Variants in NT5DC1 observed in about 807,000 individuals in gnomAD.
NT5DC1 encodes 5'-nucleotidase domain-containing protein 1.
In NT5DC1, 42 loss-of-function variants were observed where a neutral mutation model predicts 59.4. The observed-to-expected ratio is 0.71, with a 90% CI of 0.55 to 0.92. The LOEUF (loss-of-function observed/expected upper bound fraction) is 0.92. NT5DC1 is among the 40% of genes least tolerant of loss of function. The probability of loss-of-function intolerance (pLI) is 0.00; values close to 1 mark genes in which losing one functional copy is unlikely to be tolerated. For missense variants in NT5DC1, 501 were observed against 537.1 expected (o/e 0.93, Z 0.66); for synonymous variants, 172 against 188.1 (o/e 0.91, Z 0.70).
intron 3 of NT5DC1, among the ~76,000 whole-genome samples, chr6:116,110,294 C>T (rs1316809385): frequency 6.6e-6 from 1 of 152,134 alleles, no homozygotes; most frequent in East Asian, 1.9e-4. Context: ...TCTGTTTTTC[C>T]ACATTTCTCT....
In NT5DC1 at chr6:116,155,541, C is replaced by T. The variant is rs149581697; in HGVS notation, c.529+37596C>T. On this transcript the variant is annotated intron_variant, in intron 6 of 11. Transcript: ENST00000319550. ...GTTTGACTAAAGCAAACAATCTAAA[C>T]AATTTAAAATGACTTTGAATCCATC... is the stretch of plus-strand genomic sequence containing the variant. Among the ~76,000 whole-genome samples, 229 of 152,094 alleles carry T rather than the reference C, an allele frequency of 1.5e-3. 1 individual carries two copies. Among genetic ancestry groups the T allele is most frequent in the Middle Eastern group, 0.014 (4 of 294 alleles).
chr6:116,124,506 A>G (rs2114304512), intron 6 of NT5DC1, among the ~76,000 whole-genome samples: 1 of 152,348 alleles, frequency 6.6e-6, no homozygotes, highest in South Asian at 2.1e-4. Flanking sequence ...CAGATTCAAG[A>G]AGAAAGTTAA....
At chr6:116,148,957 C>A (rs1419875163) in intron 6 of NT5DC1, among the ~76,000 whole-genome samples, 1 of 152,158 alleles carries the variant, frequency 6.6e-6, no homozygotes, top group Non-Finnish European at 1.5e-5. Context: ...TGTTTTTAAT[C>A]TCTAGAAATA....
chr6:116,143,353 G>A (rs1453451321), intron 6 of NT5DC1, among the ~76,000 whole-genome samples: 3 of 152,176 alleles, frequency 2.0e-5, no homozygotes, highest in African/African-American at 4.8e-5. Flanking sequence ...TGGGATTATA[G>A]GCATGCATCA....
intron 6 of NT5DC1, among the ~76,000 whole-genome samples, chr6:116,162,573 C>T (rs1780360357): frequency 6.6e-6 from 1 of 152,152 alleles, no homozygotes; most frequent in Non-Finnish European, 1.5e-5. Context: ...TGGTGAATCA[C>T]ATTTATTGAT....
At chr6:116,145,752 AG>A (rs1779882956) in intron 6 of NT5DC1, among the ~76,000 whole-genome samples, 1 of 152,234 alleles carries the variant, frequency 6.6e-6, no homozygotes, top group South Asian at 2.1e-4. Flanking sequence ...TTTCATTTCC[AG>A]ATACTTACCA....
Position 116,121,599 on chromosome 6 carries a change from G to A in NT5DC1, c.529+3654G>A, listed in dbSNP as rs746023843. On this transcript the variant is annotated intron_variant, in intron 6 of 11. Transcript: ENST00000319550. Reference sequence around the variant, plus strand: ...ACTCCTGGTGCACCCTTTTCTCCAGGAAAGCCCCTGGGTCCTGGGGCTCCT... The same window carrying A: ...ACTCCTGGTGCACCCTTTTCTCCAGAAAAGCCCCTGGGTCCTGGGGCTCCT... The A allele has an allele frequency of 1.0e-4, 166 of 1,613,810 alleles. No individual in the cohort carries two copies. Among genetic ancestry groups the A allele is most frequent in the Non-Finnish European group, 1.3e-4 (158 of 1,179,948 alleles).
At chr6:116,129,593 A>G (rs1371230142) in intron 6 of NT5DC1, among the ~76,000 whole-genome samples, 1 of 152,166 alleles carries the variant, frequency 6.6e-6, no homozygotes, top group African/African-American at 2.4e-5. Context: ...GCCATGCGAT[A>G]CTACAGCATG....
chr6:116,239,558 C>T (rs73566464), intron 11 of NT5DC1, among the ~76,000 whole-genome samples: 15,312 of 152,178 alleles, frequency 0.1, 1,279 homozygotes, highest in African/African-American at 0.23. Flanking sequence ...TGAACTCCCT[C>T]AATCTATGTT....
chr6:116,221,107 C>T lies in NT5DC1; in HGVS notation c.583C>T (p.His195Tyr). The T allele has an allele frequency of 6.4e-7, 1 of 1,569,010 alleles. No individual in the cohort carries two copies. Among genetic ancestry groups the T allele is most frequent in the South Asian group, 1.1e-5 (1 of 89,962 alleles). ...AAAAAGAGATCCAGGCAGATATTTA[C>T]ATAGTTGTCCTGAATCTGTGAAAAA... Reference protein sequence around the residue: ...EIKRDPGRYLHSCPESVKKWL... With the variant: ...EIKRDPGRYLYSCPESVKKWL... The change falls in exon 7 of 12, where the codon CAT (histidine) becomes TAT (tyrosine). Residue 195 changes from histidine to tyrosine, a missense_variant. Physicochemically the swap from His to Tyr is moderately conservative, Grantham distance 83. Transcript: ENST00000319550.
At chr6:116,105,351 TA>T (rs1778748594) in intron 1 of NT5DC1, among the ~76,000 whole-genome samples, 1 of 152,180 alleles carries the variant, frequency 6.6e-6, no homozygotes, top group South Asian at 2.1e-4. Flanking sequence ...CTCTTCTCCC[TA>T]AAAGTATGAC....
At chr6:116,163,260 T>G (rs2114433038) in intron 6 of NT5DC1, among the ~76,000 whole-genome samples, 1 of 150,508 alleles carries the variant, frequency 6.6e-6, no homozygotes, top group East Asian at 1.9e-4. Flanking sequence ...TTTGTTTGTT[T>G]TGGTTGGTAG....
At chr6:116,138,763 A>G (rs1429002736) in intron 6 of NT5DC1, among the ~76,000 whole-genome samples, 1 of 152,128 alleles carries the variant, frequency 6.6e-6, no homozygotes, top group Non-Finnish European at 1.5e-5. Flanking sequence ...TGTAGTATTT[A>G]TATTTGTATA....
At chr6:116,181,939 T>G (rs574732190) in intron 6 of NT5DC1, among the ~76,000 whole-genome samples, 2 of 152,096 alleles carry the variant, frequency 1.3e-5, no homozygotes, top group Non-Finnish European at 2.9e-5. Flanking sequence ...AGTTCTTTGG[T>G]GGTGATTTCT....
chr6:116,244,496 A>AG lies in NT5DC1; in HGVS notation c.*473dup, dbSNP rs1337432389. 1 of 152,638 alleles carries AG rather than the reference A, an allele frequency of 6.6e-6. No individual in the cohort carries two copies. The highest frequency in any genetic ancestry group is 2.4e-5 in the African/African-American group (1 of 41,470). The allele number at this position is 152,638 out of a possible 1,614,324, so 9.5% of individuals were successfully genotyped here. A position where few individuals can be genotyped will look rare whatever the true frequency, so the allele number is the denominator to read the frequency against. ...TGATTCTGATTTACAGTACAGTTTG[A>AG]GACCCACTGGCTAGAACATATCCTC... On this transcript the variant is annotated 3_prime_UTR_variant, in exon 12 of 12. Transcript: ENST00000319550.
chr6:116,175,439 G>A (rs1780714218), intron 6 of NT5DC1, among the ~76,000 whole-genome samples: 1 of 152,060 alleles, frequency 6.6e-6, no homozygotes, highest in Non-Finnish European at 1.5e-5. Context: ...GAACTTATTG[G>A]ATCTGTGTTT....
chr6:116,131,447 G>T (rs951136021), intron 6 of NT5DC1, among the ~76,000 whole-genome samples: 3 of 152,114 alleles, frequency 2.0e-5, no homozygotes, highest in African/African-American at 4.8e-5. Flanking sequence ...GCATCACAGT[G>T]TACATACTTT....
chr6:116,133,188 C>G (rs1252025811), intron 6 of NT5DC1, among the ~76,000 whole-genome samples: 2 of 152,134 alleles, frequency 1.3e-5, no homozygotes, highest in African/African-American at 4.8e-5. Context: ...AGTAACCCAG[C>G]TGAGTTAAAA....
chr6:116,240,291 A>AG (rs749567561), intron 11 of NT5DC1, among the ~76,000 whole-genome samples: 26 of 152,350 alleles, frequency 1.7e-4, no homozygotes, highest in Non-Finnish European at 3.7e-4. Context: ...AATTATTCAG[A>AG]GGAAAAAAAT....
Sources: gnomAD v4.1 joint callset for allele counts (sites outside exome capture counted in the v4.1 genomes callset) on GRCh38, gnomAD v4.1.1 for gene constraint, MANE v1.5 for transcripts, NCBI Gene and HGNC (gene_info 2026-07-23, HGNC 2026-07-21) for gene names.